Variants in SEC14L1 observed in about 807,000 individuals in gnomAD.
SEC14L1 encodes the protein SEC14-like protein 1.
Under a neutral mutation model 85.3 loss-of-function variants are expected in SEC14L1, and 48 were observed. The observed-to-expected ratio is 0.56, with a 90% confidence interval of 0.45 to 0.72. The LOEUF (loss-of-function observed/expected upper bound fraction) is 0.72. Among genes scored for constraint, SEC14L1 ranks in the 30% least tolerant of loss-of-function variants. The pLI is 0.00. For missense variants in SEC14L1, 682 were observed against 921.4 expected (o/e 0.74, Z 3.36); for synonymous variants, 391 against 355.5 (o/e 1.10, Z -1.12).
intron 3 of SEC14L1, among the ~76,000 whole-genome samples, chr17:77,146,930 C>T (rs1211503750): frequency 2.0e-5 from 3 of 152,130 alleles, no homozygotes; most frequent in African/African-American, 7.2e-5. Flanking sequence ...GGAAAACTAA[C>T]AGTAAAATGA....
At chr17:77,096,572 G>A (rs112181424) in intron 3 of SEC14L1, among the ~76,000 whole-genome samples, 76 of 151,208 alleles carry the variant, frequency 5.0e-4, no homozygotes, top group African/African-American at 1.6e-3. Flanking sequence ...AAAAGTCACC[G>A]TGGGACACAA....
chr17:77,120,496 T>TA (rs1252766978), intron 3 of SEC14L1, among the ~76,000 whole-genome samples: 2 of 151,728 alleles, frequency 1.3e-5, no homozygotes, highest in Non-Finnish European at 2.9e-5. Flanking sequence ...TTTTTTTTTT[T>TA]AATGAAGTCT....
intron 2 of SEC14L1, among the ~76,000 whole-genome samples, chr17:77,091,348 A>G (rs962568831): frequency 1.3e-5 from 2 of 152,166 alleles, no homozygotes; most frequent in African/African-American, 4.8e-5. Flanking sequence ...TCGGCCTCCC[A>G]AAGTGCTGGG....
chr17:77,172,804 G>A (rs1974573541), intron 3 of SEC14L1, among the ~76,000 whole-genome samples: 1 of 152,204 alleles, frequency 6.6e-6, no homozygotes, highest in South Asian at 2.1e-4. Context: ...CTTTGGGAAT[G>A]TTTTGGATGC....
chr17:77,123,902 A>C (rs1247751195), intron 3 of SEC14L1, among the ~76,000 whole-genome samples: 1 of 152,224 alleles, frequency 6.6e-6, no homozygotes, highest in Non-Finnish European at 1.5e-5. Context: ...CCTCTATGGC[A>C]GATTATTTTA....
chr17:77,208,633 C>T (rs1046248411), intron 13 of SEC14L1, among the ~76,000 whole-genome samples: 5 of 152,208 alleles, frequency 3.3e-5, no homozygotes, highest in African/African-American at 9.7e-5. Context: ...AACCAGCGGG[C>T]AGTCTGGTAT....
intron 3 of SEC14L1, among the ~76,000 whole-genome samples, chr17:77,157,376 A>G (rs909101959): frequency 1.3e-5 from 2 of 152,136 alleles, no homozygotes; most frequent in Non-Finnish European, 2.9e-5. Flanking sequence ...ACTGAGTCAG[A>G]ATTTCTGGAG....
intron 3 of SEC14L1, among the ~76,000 whole-genome samples, chr17:77,186,145 C>T (rs1385742185): frequency 6.6e-6 from 1 of 152,154 alleles, no homozygotes; most frequent in Non-Finnish European, 1.5e-5. Context: ...GTTCGTGCTC[C>T]CTCCATCCCA....
chr17:77,123,358 T>A (rs1450681072), intron 3 of SEC14L1, among the ~76,000 whole-genome samples: 1 of 151,098 alleles, frequency 6.6e-6, no homozygotes, highest in Non-Finnish European at 1.5e-5. Context: ...TGGTGTCTCC[T>A]TTTTAAGACT....
chr17:77,139,814 A>G (rs1941659471), upstream of SEC14L1, among the ~76,000 whole-genome samples: 1 of 152,052 alleles, frequency 6.6e-6, no homozygotes, highest in Non-Finnish European at 1.5e-5. Context: ...TGTGATTTCT[A>G]CAAACAAGCA....
chr17:77,090,984 A>C (rs1971502027), intron 2 of SEC14L1, among the ~76,000 whole-genome samples: 1 of 151,422 alleles, frequency 6.6e-6, no homozygotes, highest in East Asian at 1.9e-4. Flanking sequence ...AAAAAAAAAA[A>C]AGATAGGGAA....
chr17:77,099,651 G>A (rs1372694553), intron 3 of SEC14L1, among the ~76,000 whole-genome samples: 1 of 152,168 alleles, frequency 6.6e-6, no homozygotes, highest in Non-Finnish European at 1.5e-5. Flanking sequence ...CAGCTACTTG[G>A]AGGCTGAGGC....
At chr17:77,207,263 C>T (rs1461896685) in intron 13 of SEC14L1, among the ~76,000 whole-genome samples, 3 of 138,704 alleles carry the variant, frequency 2.2e-5, no homozygotes, top group East Asian at 4.9e-4. Context: ...AGACAGGGTC[C>T]GGCTCTGTCA....
chr17:77,184,607 C>T (rs1412742741), intron 3 of SEC14L1, among the ~76,000 whole-genome samples: 2 of 152,212 alleles, frequency 1.3e-5, no homozygotes, highest in Non-Finnish European at 2.9e-5. Context: ...CATCTGAGCA[C>T]TCCCTTGCCT....
At chr17:77,098,333 T>C (rs896487888) in intron 3 of SEC14L1, among the ~76,000 whole-genome samples, 10 of 152,050 alleles carry the variant, frequency 6.6e-5, no homozygotes, top group African/African-American at 2.2e-4. Context: ...ACCCCATCTC[T>C]ACTAAAAATA....
intron 13 of SEC14L1, among the ~76,000 whole-genome samples, chr17:77,209,055 T>C (rs1976607455): frequency 1.3e-5 from 2 of 152,224 alleles, no homozygotes; most frequent in African/African-American, 4.8e-5. Flanking sequence ...CTTATATGAG[T>C]CAGCTTTAGT....
intron 3 of SEC14L1, chr17:77,130,272 A>G (rs976410742): frequency 1.3e-5 from 2 of 152,062 alleles, no homozygotes; most frequent in Non-Finnish European, 2.9e-5. Flanking sequence ...AGCTCAGTCC[A>G]TGTGGTGGGG....
In SEC14L1 at chr17:77,200,677, C is replaced by A. The variant is rs762696555; in HGVS notation, c.1009+4C>A. ...GGCTGGCATCATCACGACAAAGGTA[C>A]CGGATGGAGTTGAAACTGTGTTTCC... is the stretch of plus-strand genomic sequence containing the variant. On this transcript the variant is annotated splice_donor_region_variant and intron_variant, in intron 9 of 16. Coordinates refer to ENST00000436233, the MANE Select transcript of SEC14L1 (RefSeq NM_001143998.2). 6.2e-7 allele frequency: 1 copy of A among 1,609,608 alleles called. No individual in the cohort carries two copies. The highest frequency in any genetic ancestry group is 1.3e-5 in the African/African-American group (1 of 74,694).
At chr17:77,098,217 G>C (rs1421969599) in intron 3 of SEC14L1, among the ~76,000 whole-genome samples, 1 of 152,138 alleles carries the variant, frequency 6.6e-6, no homozygotes, top group Non-Finnish European at 1.5e-5. Context: ...TCCTGTTCTA[G>C]GCCCGGTGCA....
Sources: gnomAD v4.1 joint callset for allele counts (sites outside exome capture counted in the v4.1 genomes callset) on GRCh38, gnomAD v4.1.1 for gene constraint, MANE v1.5 for transcripts, NCBI Gene and HGNC (gene_info 2026-07-23, HGNC 2026-07-21) for gene names.